Variants in DBNL observed in about 807,000 individuals in gnomAD.
DBNL encodes the protein drebrin like.
In DBNL, 35 loss-of-function variants were observed where a neutral mutation model predicts 62.2. The ratio of observed to expected loss-of-function variants is 0.56; its 90% CI spans 0.43 to 0.75. The LOEUF is 0.75. Ranked by LOEUF, DBNL falls within the 30% of genes least tolerant of loss-of-function variation. The probability of loss-of-function intolerance (pLI) is 0.00; values close to 1 mark genes in which losing one functional copy is unlikely to be tolerated. For synonymous variants in DBNL, 197 were observed against 218.0 expected (o/e 0.90, Z 0.85); for missense variants, 495 against 578.4 (o/e 0.86, Z 1.48).
Position 44,065,161 on chromosome 7 carries a change from C to G in DBNL, c.*4245C>G, listed in dbSNP as rs202087044. 1.9e-6 allele frequency: 3 copies of G among 1,614,066 alleles called. No individual in the cohort carries two copies. Among genetic ancestry groups the G allele is most frequent in the Admixed American group, 3.3e-5 (2 of 60,020 alleles). ...AGGGGTGCTTCTCGTCCATCGGGGG[C>G]GGCGGGATGTCGAAGGAGCGCCTCC... On this transcript the variant is annotated 3_prime_UTR_variant, in exon 13 of 13. Transcript: ENST00000448521.
chr7:44,058,398 C>T lies in DBNL; in HGVS notation c.705-34C>T, dbSNP rs200477979. ...TGTGGCATGAGAAGCTGTGACTGTG[C>T]CTCAGCTGTGCCCCACCCGGCCCTT... is the stretch of plus-strand genomic sequence containing the variant. On this transcript the variant is annotated intron_variant, in intron 7 of 12. Coordinates refer to ENST00000448521, the MANE Select transcript of DBNL (RefSeq NM_001014436.3). 4 of 1,613,968 alleles carry T rather than the reference C, an allele frequency of 2.5e-6. No homozygotes were observed. The African/African-American group carries it at 4.0e-5, about 16-fold the overall frequency.
Position 44,063,443 on chromosome 7 carries a change from G to A in DBNL, c.*2527G>A, listed in dbSNP as rs560249611. ...ATTACAGGTGAGCGCCACCACACCCGGCTAATTTTGTATTTTTAGTAGAAA... is the reference window on the plus strand; with the variant it reads ...ATTACAGGTGAGCGCCACCACACCCAGCTAATTTTGTATTTTTAGTAGAAA... On this transcript the variant is annotated 3_prime_UTR_variant, in exon 13 of 13. Transcript: ENST00000448521. 29 of 185,114 alleles carry A rather than the reference G, an allele frequency of 1.6e-4. No individual in the cohort carries two copies. The South Asian group carries it at 2.1e-3, about 13-fold the overall frequency. The allele number at this position is 185,114 out of a possible 1,614,324, so 11.5% of individuals were successfully genotyped here. A position where few individuals can be genotyped will look rare whatever the true frequency, so the allele number is the denominator to read the frequency against.
At chr7:44,058,804 T>G (rs1428185140) in intron 8 of DBNL, 98 bp from the exon 9 acceptor site, 1 of 1,402,198 alleles carries the variant, frequency 7.1e-7, no homozygotes, top group Non-Finnish European at 1.0e-6. Flanking sequence ...ACACTCACCT[T>G]TGAGGGGCTA....
Position 44,064,720 on chromosome 7 carries a change from G to T in DBNL, c.*3804G>T. On this transcript the variant is annotated 3_prime_UTR_variant, in exon 13 of 13. Coordinates refer to ENST00000448521, the MANE Select transcript of DBNL (RefSeq NM_001014436.3). Reference sequence around the variant, plus strand: ...GCCCTCCTTTTTCAGTGAATGATGTGGAGCCCCACGCCTAGAAAGCCTGGT... The same window carrying T: ...GCCCTCCTTTTTCAGTGAATGATGTTGAGCCCCACGCCTAGAAAGCCTGGT... 1.1e-6 allele frequency: 1 copy of T among 932,802 alleles called. No homozygotes were observed. The highest frequency in any genetic ancestry group is 1.7e-6 in the Non-Finnish European group (1 of 602,830). 57.8% of individuals were successfully genotyped at this position (932,802 alleles called of 1,614,324 possible). A position where few individuals can be genotyped will look rare whatever the true frequency, so the allele number is the denominator to read the frequency against.
intron 5 of DBNL, among the ~76,000 whole-genome samples, chr7:44,057,166 T>C (rs2096137940): frequency 6.6e-6 from 1 of 152,260 alleles, no homozygotes; most frequent in Non-Finnish European, 1.5e-5. Flanking sequence ...CTCTGCAGCA[T>C]GCATGGCTAT....
Position 44,064,797 on chromosome 7 carries a change from A to AGCCCCCGCGCCAGTAAGGGGG in DBNL, c.*3881_*3882insGCCCCCGCGCCAGTAAGGGGG. ...GAGAAGCCAGCTGGGGCTGCTGCCC[A>AGCCCCCGCGCCAGTAAGGGGG]CCCACCCTGCCCAGGCTCCTGAAGG... On this transcript the variant is annotated 3_prime_UTR_variant, in exon 13 of 13. Coordinates refer to ENST00000448521, the MANE Select transcript of DBNL (RefSeq NM_001014436.3). The AGCCCCCGCGCCAGTAAGGGGG allele has an allele frequency of 1.6e-6, 1 of 633,308 alleles. No homozygotes were observed. Among genetic ancestry groups the AGCCCCCGCGCCAGTAAGGGGG allele is most frequent in the Non-Finnish European group, 2.8e-6 (1 of 361,386 alleles). 39.2% of individuals were successfully genotyped at this position (633,308 alleles called of 1,614,324 possible).
In DBNL at chr7:44,058,500, C is replaced by T. The variant is rs770216627; in HGVS notation, c.753+20C>T. On this transcript the variant is annotated intron_variant, in intron 8 of 12. Transcript: ENST00000448521. ...GAGCAGGTAAGATGGGGGTGCTCTA[C>T]TTGTTTGGACCTGTCCTGGCCACAC... 144 of 1,613,510 alleles carry T rather than the reference C, an allele frequency of 8.9e-5. No individual in the cohort carries two copies. Among genetic ancestry groups the T allele is most frequent in the Non-Finnish European group, 1.1e-4 (134 of 1,179,806 alleles).
chr7:44,049,312 A>G (rs2096122458), intron 1 of DBNL, among the ~76,000 whole-genome samples: 1 of 152,080 alleles, frequency 6.6e-6, no homozygotes, highest in Admixed American at 6.5e-5. Context: ...GCCTGCTGCC[A>G]CGCCCAGCTG....
In DBNL at chr7:44,059,590, C is replaced by A; in HGVS notation, c.979C>A (p.Gln327Lys). ...PAPSTPPCLV[Q>K]AEEEAVYEEP... ...GCCCAGCACTCCTCCATGTCTGGTG[C>A]AGGCAGAAGAGGAGGCTGTGTATGA... The change falls in exon 11 of 13, where the codon CAG (glutamine) becomes AAG (lysine). Residue 327 changes from glutamine (Q) to lysine (K), a missense_variant. Transcript: ENST00000448521. This position sits in a 1 kb window ranked among gnomAD's most constrained non-coding sequence, Gnocchi z 4.1. 2 of 1,612,098 alleles carry A rather than the reference C, an allele frequency of 1.2e-6. No individual in the cohort carries two copies. The highest frequency in any genetic ancestry group is 3.3e-5 in the Admixed American group (2 of 60,000).
rs1253427378 is a variant in DBNL at position 44,061,633 on chromosome 7, G to T, written c.*717G>T. On this transcript the variant is annotated 3_prime_UTR_variant, in exon 13 of 13. Transcript: ENST00000448521. Reference sequence around the variant, plus strand: ...CTGACTTCAGGAAAAGTAACACAGAGTGGCCTTGGCCTGTTGTCTTCCCCT... The same window carrying T: ...CTGACTTCAGGAAAAGTAACACAGATTGGCCTTGGCCTGTTGTCTTCCCCT... 1 of 152,716 alleles carries T rather than the reference G, an allele frequency of 6.5e-6. No homozygotes were observed. The highest frequency in any genetic ancestry group is 2.4e-5 in the African/African-American group (1 of 41,460). 9.5% of individuals were successfully genotyped at this position (152,716 alleles called of 1,614,324 possible).
chr7:44,065,363 T>C lies in DBNL; in HGVS notation c.*4447T>C. On this transcript the variant is annotated 3_prime_UTR_variant, in exon 13 of 13. Transcript: ENST00000448521. ...GATGGCCCGCTTCAGCACTGACGTG[T>C]AGCAGATGTCAAACTCCATCTTGGC... 6.2e-7 allele frequency: 1 copy of C among 1,613,958 alleles called. No individual in the cohort carries two copies. The highest frequency in any genetic ancestry group is 8.5e-7 in the Non-Finnish European group (1 of 1,180,024).
chr7:44,065,925 C>G lies in DBNL; in HGVS notation c.*5009C>G. ...AACGCTCAGTGGCCTATCAGCCATTCTCTGCTCAGACAGAGGCACAAACAA... is the reference window on the plus strand; with the variant it reads ...AACGCTCAGTGGCCTATCAGCCATTGTCTGCTCAGACAGAGGCACAAACAA... On this transcript the variant is annotated 3_prime_UTR_variant, in exon 13 of 13. Transcript: ENST00000448521. The G allele has an allele frequency of 2.8e-6, 1 of 354,134 alleles. No individual in the cohort carries two copies. The highest frequency in any genetic ancestry group is 2.6e-5 in the South Asian group (1 of 38,944). The allele number at this position is 354,134 out of a possible 1,614,324, so 21.9% of individuals were successfully genotyped here.
At position 44,048,165 on chromosome 7, in the gene DBNL, T is replaced by A. The variant is rs553509186; in HGVS notation, c.84-2060T>A. Among the ~76,000 whole-genome samples, 31 of 152,340 alleles carry A rather than the reference T, an allele frequency of 2.0e-4. No homozygotes were observed. The South Asian group carries it at 3.1e-3, about 15-fold the overall frequency. On this transcript the variant is annotated intron_variant, in intron 1 of 12. Transcript: ENST00000448521. ...CCTAACCTCAGGTGATCCACCCGCCTTGGCCTCCCAAAGTGCTGGGATTAC... is the reference window on the plus strand; with the variant it reads ...CCTAACCTCAGGTGATCCACCCGCCATGGCCTCCCAAAGTGCTGGGATTAC...
chr7:44,057,357 G>A (rs2096138250), intron 5 of DBNL, among the ~76,000 whole-genome samples: 1 of 152,162 alleles, frequency 6.6e-6, no homozygotes, highest in Admixed American at 6.5e-5. Flanking sequence ...CTGATGGCTG[G>A]GAGCTGCGTC....
intron 1 of DBNL, 48 bp downstream of exon 1, chr7:44,044,868 T>G (rs1273835736): frequency 1.4e-5 from 18 of 1,301,150 alleles, no homozygotes; most frequent in South Asian, 5.5e-5. Flanking sequence ...GCCTCAGGGG[T>G]GGGTCTGTCT....
At position 44,065,599 on chromosome 7, in the gene DBNL, AGT is replaced by A; in HGVS notation, c.*4686_*4687del. 1 of 1,478,062 alleles carries A rather than the reference AGT, an allele frequency of 6.8e-7. No individual in the cohort carries two copies. Among genetic ancestry groups the A allele is most frequent in the Admixed American group, 1.7e-5 (1 of 59,646 alleles). 91.6% of individuals were successfully genotyped at this position (1,478,062 alleles called of 1,614,324 possible). A position where few individuals can be genotyped will look rare whatever the true frequency, so the allele number is the denominator to read the frequency against. The stretch of plus-strand genomic sequence containing the variant: ...TTCCCAACACTCCCAGCTTTATAAT[AGT>A]GTCTTCCCAGCCCCCACCCACCCCA... On this transcript the variant is annotated 3_prime_UTR_variant, in exon 13 of 13. Coordinates refer to ENST00000448521, the MANE Select transcript of DBNL (RefSeq NM_001014436.3).
In DBNL at chr7:44,051,813, C is replaced by A. The variant is rs1034949805; in HGVS notation, c.140-17C>A. On this transcript the variant is annotated splice_polypyrimidine_tract_variant and intron_variant, in intron 2 of 12. Transcript: ENST00000448521. ...ATGTCAGGGCCACCCCTGACCTTCA[C>A]TGTGACTCTGCTGCAGAGGGTGGCC... The A allele has an allele frequency of 1.2e-6, 2 of 1,613,190 alleles. No individual in the cohort carries two copies. Among genetic ancestry groups the A allele is most frequent in the Non-Finnish European group, 1.7e-6 (2 of 1,179,462 alleles).
chr7:44,068,906 G>GA lies in DBNL; in HGVS notation c.*7995dup, dbSNP rs2096164281. On this transcript the variant is annotated 3_prime_UTR_variant, in exon 13 of 13. Coordinates refer to ENST00000448521, the MANE Select transcript of DBNL (RefSeq NM_001014436.3). ...ACCAAGAAAAATAAGATCAGCCAGA[G>GA]AAAAACGATACATTTCATTCAGGTG... 2 of 152,180 alleles carry GA rather than the reference G, an allele frequency of 1.3e-5. No individual in the cohort carries two copies. Among genetic ancestry groups the GA allele is most frequent in the South Asian group, 2.1e-4 (1 of 4,830 alleles). The allele number at this position is 152,180 out of a possible 1,614,324, so 9.4% of individuals were successfully genotyped here. A position where few individuals can be genotyped will look rare whatever the true frequency, so the allele number is the denominator to read the frequency against.
In DBNL at chr7:44,052,047, G is replaced by A. The variant is rs186377719; in HGVS notation, c.252+105G>A. The stretch of plus-strand genomic sequence containing the variant: ...CAAAGTGTTTTACTGGCATGACTTA[G>A]TAGATCAATAGAACAGCTCTGAGCT... On this transcript the variant is annotated intron_variant, in intron 3 of 12. Transcript: ENST00000448521. The A allele has an allele frequency of 2.4e-4, 223 of 917,756 alleles. No individual in the cohort carries two copies. In the African/African-American group the frequency reaches 3.1e-3, roughly 13 times the overall value. 56.9% of individuals were successfully genotyped at this position (917,756 alleles called of 1,614,324 possible). A position where few individuals can be genotyped will look rare whatever the true frequency, so the allele number is the denominator to read the frequency against.
Sources: gnomAD v4.1 joint callset for allele counts (sites outside exome capture counted in the v4.1 genomes callset) on GRCh38, gnomAD v4.1.1 for gene constraint, Gnocchi (gnomAD v3.1) non-coding constraint, MANE v1.5 for transcripts, NCBI Gene and HGNC (gene_info 2026-07-23, HGNC 2026-07-21) for gene names.